The following GPR158 variants were observed in gnomAD, a reference collection of about 807,000 sequenced individuals.
The protein encoded by GPR158 is metabotropic glycine receptor.
A neutral mutation model predicts 78.2 loss-of-function variants in GPR158; 30 were observed. The ratio of observed to expected loss-of-function variants is 0.38; its 90% CI spans 0.29 to 0.52. The LOEUF (loss-of-function observed/expected upper bound fraction) is 0.52. GPR158 is among the 20% of genes least tolerant of loss of function. The pLI is 0.83. For missense variants in GPR158, 1,463 were observed against 1,523.5 expected, an observed-to-expected ratio of 0.96 and a Z score of 0.66; for synonymous variants, 581 against 591.1, an observed-to-expected ratio of 0.98 and a Z score of 0.25.
At chr10:25,491,398 T>G (rs1235746341) in intron 5 of GPR158, among the ~76,000 whole-genome samples, 1 of 152,202 alleles carries the variant, frequency 6.6e-6, no homozygotes, top group African/African-American at 2.4e-5. Flanking sequence ...CATGAATGGC[T>G]GCAAGATAGA....
chr10:25,434,518 A>G (rs1301260021), intron 4 of GPR158, among the ~76,000 whole-genome samples: 1 of 152,244 alleles, frequency 6.6e-6, no homozygotes, highest in Non-Finnish European at 1.5e-5. Context: ...CAAATGTTAC[A>G]TAAGCAAAGG....
intron 1 of GPR158, among the ~76,000 whole-genome samples, chr10:25,217,140 T>A (rs922313220): frequency 2.0e-5 from 3 of 152,214 alleles, no homozygotes; most frequent in African/African-American, 7.2e-5. Context: ...TGTGGTCAAC[T>A]GTTCTCATAA....
intron 5 of GPR158, among the ~76,000 whole-genome samples, chr10:25,542,485 C>T (rs1449695973): frequency 1.3e-5 from 2 of 152,100 alleles, no homozygotes; most frequent in African/African-American, 4.8e-5. Context: ...TTTTCTGTCT[C>T]TATCAATGTG....
At position 25,277,492 on chromosome 10, in the gene GPR158, G is replaced by C. The variant is rs1258614193; in HGVS notation, c.1008+56335G>C. On this transcript the variant is annotated intron_variant, in intron 2 of 10. Transcript: ENST00000376351. The stretch of plus-strand genomic sequence containing the variant: ...CAAAAGAGAGAGAGAGAGAGAGAGA[G>C]ACAGAGCCCATCCCCAAACAAACAA... 8.5e-5 allele frequency among the ~76,000 whole-genome samples: 13 copies of C among 152,108 alleles called. No individual in the cohort carries two copies. The South Asian group carries it at 2.5e-3, about 29-fold the overall frequency.
At chr10:25,479,753 T>C (rs1220776544) in intron 5 of GPR158, among the ~76,000 whole-genome samples, 1 of 152,184 alleles carries the variant, frequency 6.6e-6, no homozygotes, top group Non-Finnish European at 1.5e-5. Context: ...TCAATTATGA[T>C]ATTCCCTTTC....
intron 1 of GPR158, among the ~76,000 whole-genome samples, chr10:25,201,033 C>G (rs1461766059): frequency 1.3e-5 from 2 of 151,844 alleles, no homozygotes; most frequent in East Asian, 3.9e-4. Flanking sequence ...CCTTCTAATT[C>G]TATGAATAAT....
At chr10:25,307,026 G>GA (rs1854687653) in intron 2 of GPR158, among the ~76,000 whole-genome samples, 3 of 151,574 alleles carry the variant, frequency 2.0e-5, no homozygotes, top group African/African-American at 7.3e-5. Flanking sequence ...CAGAGAGAGA[G>GA]AGAGAGAGAG....
chr10:25,230,556 G>GT (rs60491303), intron 2 of GPR158, among the ~76,000 whole-genome samples: 4,700 of 152,198 alleles, frequency 0.031, 253 homozygotes, highest in African/African-American at 0.11. Flanking sequence ...AATTGAGAAT[G>GT]TTTTTCCAGG....
Position 25,598,243 on chromosome 10 carries a change from G to A in GPR158, c.2617G>A (p.Val873Met), listed in dbSNP as rs750706705. The A allele has an allele frequency of 2.5e-6, 4 of 1,613,980 alleles. No individual in the cohort carries two copies. Among genetic ancestry groups the A allele is most frequent in the African/African-American group, 2.7e-5 (2 of 74,908 alleles). The change falls in exon 11 of 11, where the codon GTG (valine) becomes ATG (methionine). Residue 873 changes from valine to methionine, a missense_variant. Coordinates refer to ENST00000376351, the MANE Select transcript of GPR158 (RefSeq NM_020752.3). ...CAGCGAGGCTGAGTCCACGGAGTCG[G>A]TGCCGTTGGTGTGCAAGTCAGCAAG... is the stretch of plus-strand genomic sequence containing the variant. ...EDSEAESTESVPLVCKSASAH... is the reference protein window; with the variant it reads ...EDSEAESTESMPLVCKSASAH...
In GPR158 at chr10:25,176,093, G is replaced by A. The variant is rs1355418110; in HGVS notation, c.673G>A (p.Gly225Ser). ...NATLETEWFH[G>S]LRRKWRPHLH... The stretch of plus-strand genomic sequence containing the variant: ...CACTCTGGAGACCGAGTGGTTCCAC[G>A]GCCTCCGGCGCAAGTGGAGGCCCCA... The change falls in exon 1 of 11, where the codon GGC (glycine) becomes AGC (serine). Residue 225 changes from glycine to serine, a missense_variant. Coordinates refer to ENST00000376351, the MANE Select transcript of GPR158 (RefSeq NM_020752.3). The surrounding 1 kb of genome is among the most constrained non-coding windows in gnomAD (Gnocchi z 6.3). The A allele has an allele frequency of 1.9e-6, 3 of 1,588,676 alleles. No homozygotes were observed. Among genetic ancestry groups the A allele is most frequent in the Non-Finnish European group, 2.6e-6 (3 of 1,168,474 alleles).
intron 6 of GPR158, among the ~76,000 whole-genome samples, chr10:25,556,830 G>A (rs1441250527): frequency 6.6e-6 from 1 of 152,162 alleles, no homozygotes; most frequent in Non-Finnish European, 1.5e-5. Flanking sequence ...TGCTCCAGAT[G>A]AATGCTTAGA....
intron 2 of GPR158, among the ~76,000 whole-genome samples, chr10:25,324,025 G>T (rs1854993207): frequency 1.3e-5 from 2 of 152,160 alleles, no homozygotes; most frequent in South Asian, 4.1e-4. Context: ...TTTGGATTAG[G>T]TTACAGATCA....
chr10:25,372,788 G>A (rs1224567827), intron 2 of GPR158, among the ~76,000 whole-genome samples: 1 of 151,156 alleles, frequency 6.6e-6, no homozygotes, highest in South Asian at 2.1e-4. Flanking sequence ...CAGCAAACAA[G>A]CATGGAACAG....
At chr10:25,548,154 G>T (rs991942998) in intron 5 of GPR158, among the ~76,000 whole-genome samples, 2 of 152,046 alleles carry the variant, frequency 1.3e-5, no homozygotes, top group African/African-American at 2.4e-5. Context: ...AGATCATTGA[G>T]CAAATATTTA....
At chr10:25,212,462 T>A (rs553475423) in intron 1 of GPR158, among the ~76,000 whole-genome samples, 2 of 151,844 alleles carry the variant, frequency 1.3e-5, no homozygotes, top group Admixed American at 1.3e-4. Flanking sequence ...ACCTCCAACA[T>A]TGGGGATTAC....
intron 2 of GPR158, among the ~76,000 whole-genome samples, chr10:25,309,018 T>A (rs1013094933): frequency 6.6e-6 from 1 of 152,236 alleles, no homozygotes; most frequent in Non-Finnish European, 1.5e-5. Flanking sequence ...TAAATATAGC[T>A]GTACAGATAT....
chr10:25,253,772 T>C (rs1359749503), intron 2 of GPR158, among the ~76,000 whole-genome samples: 1 of 152,158 alleles, frequency 6.6e-6, no homozygotes, highest in South Asian at 2.1e-4. Context: ...GACTTGTTGA[T>C]GGGATAATTC....
intron 8 of GPR158, among the ~76,000 whole-genome samples, chr10:25,592,141 A>G (rs1033673869): frequency 3.9e-5 from 6 of 152,184 alleles, no homozygotes; most frequent in South Asian, 4.1e-4. Context: ...CTATCAATAT[A>G]GCATGTGTTC....
In GPR158 at chr10:25,431,069, A is replaced by G. The variant is rs1002318382; in HGVS notation, c.1335+18596A>G. On this transcript the variant is annotated intron_variant, in intron 4 of 10. Coordinates refer to ENST00000376351, the MANE Select transcript of GPR158 (RefSeq NM_020752.3). The stretch of plus-strand genomic sequence containing the variant: ...GCAAAAGAAACTACCATCAGAGTGA[A>G]CAGGCAACCTACTAAATGGGAGAAA... 2.8e-5 allele frequency among the ~76,000 whole-genome samples: 4 copies of G among 143,044 alleles called. No individual in the cohort carries two copies. In the South Asian group the frequency reaches 9.7e-4, roughly 35 times the overall value. 93.8% of individuals were successfully genotyped at this position (143,044 alleles called of 152,430 possible).
Sources: gnomAD v4.1 joint callset for allele counts (sites outside exome capture counted in the v4.1 genomes callset) on GRCh38, gnomAD v4.1.1 for gene constraint, Gnocchi (gnomAD v3.1) non-coding constraint, MANE v1.5 for transcripts, NCBI Gene and HGNC (gene_info 2026-07-23, HGNC 2026-07-21) for gene names.